Variants in CXCL13 observed in about 807,000 individuals in gnomAD.
CXCL13 encodes C-X-C motif chemokine ligand 13.
Under a neutral mutation model 12.2 loss-of-function variants are expected in CXCL13, and 7 were observed. That is an observed-to-expected ratio of 0.57 (90% CI 0.33 to 1.07). The LOEUF is 1.07. Ranked by LOEUF, CXCL13 falls within the 50% of genes least tolerant of loss-of-function variation. The pLI is 0.04. For synonymous variants in CXCL13, 47 were observed against 42.4 expected (o/e 1.11, Z -0.42); for missense variants, 113 against 127.4 (o/e 0.89, Z 0.55).
intron 1 of CXCL13, among the ~76,000 whole-genome samples, chr4:77,563,681 G>T (rs1474444648): frequency 6.6e-6 from 1 of 152,330 alleles, no homozygotes; most frequent in South Asian, 2.1e-4. Flanking sequence ...ACAGATGAAA[G>T]ATGAGATTCT....
intron 1 of CXCL13, among the ~76,000 whole-genome samples, chr4:77,544,849 A>C (rs529571046): frequency 1.3e-5 from 2 of 152,260 alleles, no homozygotes; most frequent in Admixed American, 1.3e-4. Context: ...GGTATTGCCT[A>C]GGTTTTCTTC....
chr4:77,588,249 T>A (rs1377239104), intron 1 of CXCL13, among the ~76,000 whole-genome samples: 1 of 152,252 alleles, frequency 6.6e-6, no homozygotes. Flanking sequence ...TAGTGAACAA[T>A]CAAATGTGAT....
intron 1 of CXCL13, among the ~76,000 whole-genome samples, chr4:77,516,292 G>A (rs796830213): frequency 5.3e-5 from 8 of 152,220 alleles, no homozygotes; most frequent in East Asian, 3.9e-4. Context: ...GTCTCTGCCC[G>A]GCTTTGGTGT....
chr4:77,606,535 T>G (rs1009020665), intron 1 of CXCL13, among the ~76,000 whole-genome samples: 3 of 152,240 alleles, frequency 2.0e-5, no homozygotes, highest in Admixed American at 2.0e-4. Context: ...AGCCTTCTGC[T>G]CAGATTTAGA....
intron 1 of CXCL13, among the ~76,000 whole-genome samples, chr4:77,563,697 G>A (rs1238370341): frequency 2.6e-5 from 4 of 152,276 alleles, no homozygotes; most frequent in East Asian, 3.9e-4. Flanking sequence ...ATTCTATGAC[G>A]TTTATTAAAA....
intron 1 of CXCL13, among the ~76,000 whole-genome samples, chr4:77,553,118 A>C (rs1725573594): frequency 6.6e-6 from 1 of 152,170 alleles, no homozygotes; most frequent in African/African-American, 2.4e-5. Context: ...CAGCAATGAC[A>C]CATACACACC....
chr4:77,541,816 A>G (rs1007856432), intron 1 of CXCL13, among the ~76,000 whole-genome samples: 8 of 152,180 alleles, frequency 5.3e-5, no homozygotes, highest in Admixed American at 1.3e-4. Context: ...TGGTATGGCC[A>G]TTTTAATGAT....
At chr4:77,566,681 C>G (rs1344301845) in intron 1 of CXCL13, among the ~76,000 whole-genome samples, 1 of 152,072 alleles carries the variant, frequency 6.6e-6, no homozygotes, top group African/African-American at 2.4e-5. Context: ...TATTTCAGAG[C>G]CTCCTGTCCC....
chr4:77,542,272 T>C (rs1725222502), intron 1 of CXCL13, among the ~76,000 whole-genome samples: 1 of 152,188 alleles, frequency 6.6e-6, no homozygotes. Flanking sequence ...AGAGTAGGTA[T>C]ACTTGTCTTA....
intron 1 of CXCL13, among the ~76,000 whole-genome samples, chr4:77,597,793 G>A (rs1726797470): frequency 6.6e-6 from 1 of 152,174 alleles, no homozygotes; most frequent in African/African-American, 2.4e-5. Context: ...AGCACCAGCA[G>A]CACCAAGGCT....
At chr4:77,598,638 C>T (rs995481965) in intron 1 of CXCL13, among the ~76,000 whole-genome samples, 1 of 152,106 alleles carries the variant, frequency 6.6e-6, no homozygotes, top group Admixed American at 6.5e-5. Context: ...TGCTACACCA[C>T]CAGAAAGGGA....
At chr4:77,536,882 A>T (rs1430953729) in intron 1 of CXCL13, among the ~76,000 whole-genome samples, 1 of 152,072 alleles carries the variant, frequency 6.6e-6, no homozygotes, top group Non-Finnish European at 1.5e-5. Flanking sequence ...AAGCTATCTC[A>T]TTTTTTTATG....
chr4:77,611,522 T>A lies in CXCL13; in HGVS notation c.*483T>A, dbSNP rs1275815360. ...GGCAAAGGAATCCATGTAGTAGATA[T>A]CCTCTGCTTAAAAACTCACTACGGA... On this transcript the variant is annotated 3_prime_UTR_variant, in exon 4 of 4. Transcript: ENST00000682537. 2.5e-6 allele frequency: 1 copy of A among 396,332 alleles called. No homozygotes were observed. Among genetic ancestry groups the A allele is most frequent in the Non-Finnish European group, 4.4e-6 (1 of 225,376 alleles). The allele number at this position is 396,332 out of a possible 1,614,324, so 24.6% of individuals were successfully genotyped here. A position where few individuals can be genotyped will look rare whatever the true frequency, so the allele number is the denominator to read the frequency against.
chr4:77,578,942 G>A (rs1450574870), intron 1 of CXCL13, among the ~76,000 whole-genome samples: 1 of 152,214 alleles, frequency 6.6e-6, no homozygotes, highest in Non-Finnish European at 1.5e-5. Context: ...TAAGATGTAA[G>A]CAGAAGTGTC....
In CXCL13 at chr4:77,518,483, T is replaced by A. The variant is rs368470239; in HGVS notation, c.-43+6695T>A. The stretch of plus-strand genomic sequence containing the variant: ...ACATAGTCCCATATTTCTTGGAGGC[T>A]TTGTTCATTTCTTTTTATTCTTTTT... On this transcript the variant is annotated intron_variant, in intron 1 of 4. Coordinates refer to the CXCL13 transcript ENST00000286758. Among the ~76,000 whole-genome samples the A allele has an allele frequency of 2.0e-4, 31 of 152,314 alleles. 1 individual carries two copies. In the South Asian group the frequency reaches 6.2e-3, roughly 31 times the overall value.
In CXCL13 at chr4:77,541,740, T is replaced by C. The variant is rs144778430; in HGVS notation, c.-43+29952T>C. Among the ~76,000 whole-genome samples, 326 of 152,338 alleles carry C rather than the reference T, an allele frequency of 2.1e-3. 2 individuals carry two copies. Among genetic ancestry groups the C allele is most frequent in the African/African-American group, 7.5e-3 (314 of 41,592 alleles). Reference sequence around the variant, plus strand: ...AAATGAAGTTTAGAGTAGTTTTTTCTAGTTCTGTGAAAAATTAAATTGGTA... The same window carrying C: ...AAATGAAGTTTAGAGTAGTTTTTTCCAGTTCTGTGAAAAATTAAATTGGTA... On this transcript the variant is annotated intron_variant, in intron 1 of 4. Coordinates refer to the CXCL13 transcript ENST00000286758.
At chr4:77,576,945 T>A (rs193182211) in intron 1 of CXCL13, among the ~76,000 whole-genome samples, 5 of 152,178 alleles carry the variant, frequency 3.3e-5, no homozygotes, top group African/African-American at 7.2e-5. Flanking sequence ...TCCAGACTCA[T>A]TAGTTGTTTT....
At chr4:77,579,724 G>A (rs969076819) in intron 1 of CXCL13, among the ~76,000 whole-genome samples, 2 of 152,058 alleles carry the variant, frequency 1.3e-5, no homozygotes, top group African/African-American at 4.8e-5. Flanking sequence ...TAAAAATGAT[G>A]TACTCAGCTA....
At chr4:77,513,455 C>CT (rs574725892) in intron 1 of CXCL13, among the ~76,000 whole-genome samples, 4,554 of 144,638 alleles carry the variant, frequency 0.031, 213 homozygotes, top group African/African-American at 0.1. Context: ...TGTTTCCTGA[C>CT]TTTTTTTTTT....
Sources: gnomAD v4.1 joint callset for allele counts (sites outside exome capture counted in the v4.1 genomes callset) on GRCh38, gnomAD v4.1.1 for gene constraint, MANE v1.5 for transcripts, NCBI Gene and HGNC (gene_info 2026-07-23, HGNC 2026-07-21) for gene names.